Variants in NRG3 observed in about 807,000 individuals in gnomAD.
NRG3 encodes the protein neuregulin 3.
NRG3 carries 31 observed loss-of-function variants against 66.9 expected under a neutral mutation model. The ratio of observed to expected loss-of-function variants is 0.46; its 90% confidence interval spans 0.35 to 0.63. The LOEUF (loss-of-function observed/expected upper bound fraction) is 0.63, where lower values mean the gene tolerates loss of function less well. Among genes scored for constraint, NRG3 ranks in the 20% least tolerant of loss-of-function variants. The pLI is 0.00. For synonymous variants in NRG3, 393 were observed against 359.4 expected, an observed-to-expected ratio of 1.09 and a Z score of -1.06; for missense variants, 910 against 878.9, an observed-to-expected ratio of 1.04 and a Z score of -0.45.
At chr10:82,976,624 C>T (rs538177493) in intron 7 of NRG3, among the ~76,000 whole-genome samples, 10 of 152,272 alleles carry the variant, frequency 6.6e-5, no homozygotes, top group Non-Finnish European at 1.2e-4. Context: ...ACTCTAGCAG[C>T]TAGTTTCTAC....
intron 2 of NRG3, among the ~76,000 whole-genome samples, chr10:82,605,216 C>T (rs1231576754): frequency 6.6e-6 from 1 of 151,804 alleles, no homozygotes; most frequent in Non-Finnish European, 1.5e-5. Flanking sequence ...GAAAGTGTAC[C>T]TCTAGTAAAA....
chr10:82,488,576 C>A (rs542018653), intron 2 of NRG3, among the ~76,000 whole-genome samples: 2 of 152,164 alleles, frequency 1.3e-5, no homozygotes, highest in Non-Finnish European at 2.9e-5. Flanking sequence ...TAACTACAAT[C>A]TCCACTGAGG....
chr10:82,341,240 A>T (rs914306705), intron 1 of NRG3, among the ~76,000 whole-genome samples: 1 of 152,108 alleles, frequency 6.6e-6, no homozygotes, highest in Non-Finnish European at 1.5e-5. Context: ...CTTATTCTGG[A>T]GTGATAAATA....
intron 4 of NRG3, among the ~76,000 whole-genome samples, chr10:82,903,639 T>G (rs1844447421): frequency 6.6e-6 from 1 of 152,186 alleles, no homozygotes. Flanking sequence ...ATGTATTTTC[T>G]CTTCCTTATG....
intron 2 of NRG3, among the ~76,000 whole-genome samples, chr10:82,694,764 A>G (rs1340185397): frequency 6.6e-6 from 1 of 152,200 alleles, no homozygotes; most frequent in Non-Finnish European, 1.5e-5. Context: ...TAAAAGAAAA[A>G]AAGAAAGAAA....
intron 1 of NRG3, among the ~76,000 whole-genome samples, chr10:82,107,394 T>G (rs914801968): frequency 6.6e-6 from 1 of 152,210 alleles, no homozygotes; most frequent in Non-Finnish European, 1.5e-5. Flanking sequence ...AAGATGTTGC[T>G]GATAAGGACC....
At chr10:82,688,669 A>T (rs1041575292) in intron 2 of NRG3, among the ~76,000 whole-genome samples, 1 of 152,198 alleles carries the variant, frequency 6.6e-6, no homozygotes, top group Non-Finnish European at 1.5e-5. Flanking sequence ...AGAAGTAAAC[A>T]AATTTCTGCA....
intron 2 of NRG3, among the ~76,000 whole-genome samples, chr10:82,500,044 T>C (rs2132331770): frequency 6.6e-6 from 1 of 152,284 alleles, no homozygotes; most frequent in South Asian, 2.1e-4. Flanking sequence ...GTCCAGGCTG[T>C]AGTTGCTTGA....
At chr10:82,305,448 A>G (rs1438652284) in intron 1 of NRG3, among the ~76,000 whole-genome samples, 2 of 152,100 alleles carry the variant, frequency 1.3e-5, no homozygotes, top group Non-Finnish European at 2.9e-5. Context: ...CCTTTAGAGA[A>G]TTTTATAAGC....
At chr10:82,277,526 C>A (rs557416362) in intron 1 of NRG3, among the ~76,000 whole-genome samples, 1 of 152,170 alleles carries the variant, frequency 6.6e-6, no homozygotes, top group Non-Finnish European at 1.5e-5. Flanking sequence ...ATATCTTTCT[C>A]AATAAGGGAA....
At chr10:82,773,591 A>G (rs1027950580) in intron 3 of NRG3, among the ~76,000 whole-genome samples, 1 of 152,114 alleles carries the variant, frequency 6.6e-6, no homozygotes, top group Non-Finnish European at 1.5e-5. Flanking sequence ...TTAGTTTAAT[A>G]TAGATCCATT....
At chr10:82,921,372 G>T (rs1014280608) in intron 4 of NRG3, among the ~76,000 whole-genome samples, 2 of 152,132 alleles carry the variant, frequency 1.3e-5, no homozygotes, top group Non-Finnish European at 2.9e-5. Flanking sequence ...ATGTGATGTG[G>T]CATTCCAGAT....
chr10:82,034,003 C>T (rs2062683829), intron 1 of NRG3, among the ~76,000 whole-genome samples: 1 of 152,046 alleles, frequency 6.6e-6, no homozygotes, highest in African/African-American at 2.4e-5. Context: ...CTTTAACTAC[C>T]TTAGAAATGA....
chr10:82,729,161 C>T (rs1423456187), intron 2 of NRG3, among the ~76,000 whole-genome samples: 1 of 152,126 alleles, frequency 6.6e-6, no homozygotes, highest in African/African-American at 2.4e-5. Context: ...ATGCCTTTTC[C>T]TCCATAACTG....
intron 1 of NRG3, among the ~76,000 whole-genome samples, chr10:82,202,799 G>C (rs775735383): frequency 4.6e-5 from 7 of 152,126 alleles, no homozygotes; most frequent in Non-Finnish European, 7.3e-5. Context: ...GATGAAGAGG[G>C]CATTGTCTTG....
intron 1 of NRG3, among the ~76,000 whole-genome samples, chr10:82,133,432 C>A (rs1364217474): frequency 3.9e-5 from 6 of 152,076 alleles, no homozygotes; most frequent in Admixed American, 2.6e-4. Flanking sequence ...CTCAAGTAGA[C>A]CCCCGTGCCT....
At chr10:82,656,432 G>A (rs1405335762) in intron 2 of NRG3, among the ~76,000 whole-genome samples, 1 of 151,232 alleles carries the variant, frequency 6.6e-6, no homozygotes, top group Non-Finnish European at 1.5e-5. Context: ...TTACATAGGT[G>A]TCCACTTTAG....
intron 2 of NRG3, among the ~76,000 whole-genome samples, chr10:82,446,635 C>T (rs758856754): frequency 1.1e-4 from 16 of 151,988 alleles, no homozygotes; most frequent in East Asian, 1.9e-4. Context: ...GATCCTGTCA[C>T]GGGGAGGGAG....
At chr10:82,973,164 A>C (rs553904417) in intron 6 of NRG3, among the ~76,000 whole-genome samples, 2 of 152,242 alleles carry the variant, frequency 1.3e-5, no homozygotes, top group African/African-American at 4.8e-5. Context: ...ATTTTTCTGA[A>C]GTTGTCATCT....
Sources: gnomAD v4.1 joint callset for allele counts (sites outside exome capture counted in the v4.1 genomes callset) on GRCh38, gnomAD v4.1.1 for gene constraint, MANE v1.5 for transcripts, NCBI Gene and HGNC (gene_info 2026-07-23, HGNC 2026-07-21) for gene names.